The following PSMD5 variants were observed in gnomAD, a reference collection of about 807,000 sequenced individuals.
PSMD5 encodes the protein 26S proteasome non-ATPase regulatory subunit 5.
PSMD5 carries 40 observed loss-of-function variants against 52.1 expected under a neutral mutation model. That is an observed-to-expected ratio of 0.77 (90% confidence interval 0.60 to 1.00). PSMD5 has a LOEUF of 1.00. Among genes scored for constraint, PSMD5 ranks in the 50% least tolerant of loss-of-function variants. The pLI, the probability that PSMD5 is intolerant of heterozygous loss-of-function variation, is 0.00. For missense variants in PSMD5, 575 were observed against 605.2 expected (o/e 0.95, Z 0.52); for synonymous variants, 211 against 226.6 (o/e 0.93, Z 0.62).
At chr9:120,824,817 T>C (rs1441921341) in intron 6 of PSMD5, 132 bp from the exon 7 acceptor site, 3 of 726,812 alleles carry the variant, frequency 4.1e-6, no homozygotes, top group Non-Finnish European at 6.5e-6. Context: ...GTGTGTTGCC[T>C]GGAGATCAGA....
intron 4 of PSMD5, among the ~76,000 whole-genome samples, chr9:120,830,797 C>G (rs1053226527): frequency 2.6e-5 from 4 of 151,940 alleles, no homozygotes; most frequent in African/African-American, 9.7e-5. Flanking sequence ...AAAGCTGGTA[C>G]AAATAAGGGC....
At chr9:120,828,594 A>C (rs2131427344) in intron 5 of PSMD5, among the ~76,000 whole-genome samples, 1 of 150,824 alleles carries the variant, frequency 6.6e-6, no homozygotes, top group South Asian at 2.1e-4. Context: ...TACCCAGCTA[A>C]TTTTTGTATT....
intron 4 of PSMD5, 151 bp downstream of exon 4, chr9:120,831,180 C>T: frequency 1.2e-6 from 1 of 823,762 alleles, no homozygotes; most frequent in Non-Finnish European, 1.7e-6. Context: ...ATGACTGTCT[C>T]ACATACTAGG....
In PSMD5 at chr9:120,831,395, T is replaced by C. The variant is rs761479099; in HGVS notation, c.497A>G (p.Asn166Ser). 27 of 1,613,008 alleles carry C rather than the reference T, an allele frequency of 1.7e-5. No individual in the cohort carries two copies. The South Asian group carries it at 2.1e-4, about 12-fold the overall frequency. Residue 166 changes from asparagine (N) to serine (S), a missense_variant, in exon 4 of 10, where the codon AAT (asparagine) becomes AGT (serine). Coordinates refer to ENST00000210313, the MANE Select transcript of PSMD5 (RefSeq NM_005047.4). ...TACACTTTTCAAATCATCCAGCAGA[T>C]TGCTTTCAAATAAAGCCTCCAGTCC... ...QAGLEALFES[N>S]LLDDLKSVMK...
chr9:120,841,574 T>A (rs527612986), intron 1 of PSMD5, among the ~76,000 whole-genome samples: 1 of 151,244 alleles, frequency 6.6e-6, no homozygotes, highest in East Asian at 1.9e-4. Flanking sequence ...GCGAGACTCG[T>A]CTGAAAACAA....
chr9:120,829,568 G>A (rs2045146430), intron 4 of PSMD5, among the ~76,000 whole-genome samples: 1 of 152,052 alleles, frequency 6.6e-6, no homozygotes, highest in South Asian at 2.1e-4. Flanking sequence ...TAATTGTTTT[G>A]TATTTTTAGT....
intron 1 of PSMD5, among the ~76,000 whole-genome samples, chr9:120,841,540 C>T (rs1251999431): frequency 6.6e-6 from 1 of 152,182 alleles, no homozygotes; most frequent in Non-Finnish European, 1.5e-5. Context: ...GATCGCGCCA[C>T]TGCACTCCAA....
intron 1 of PSMD5, among the ~76,000 whole-genome samples, chr9:120,839,187 A>G (rs1588073171): frequency 6.6e-6 from 1 of 152,308 alleles, no homozygotes; most frequent in East Asian, 1.9e-4. Flanking sequence ...AGGAAAAATA[A>G]GGGTGCCACA....
intron 2 of PSMD5, among the ~76,000 whole-genome samples, chr9:120,833,092 A>G (rs866230018): frequency 2.6e-5 from 4 of 152,222 alleles, no homozygotes; most frequent in Non-Finnish European, 5.9e-5. Flanking sequence ...ATGGTACTTA[A>G]TGGAACTTCT....
intron 6 of PSMD5, 144 bp from the exon 7 acceptor site, chr9:120,824,829 A>G (rs2045111864): frequency 1.5e-6 from 1 of 662,618 alleles, no homozygotes. Flanking sequence ...GAGATCAGAG[A>G]GACCATTAGG....
At chr9:120,840,090 G>GCA (rs1367508612) in intron 1 of PSMD5, among the ~76,000 whole-genome samples, 5 of 137,574 alleles carry the variant, frequency 3.6e-5, no homozygotes, top group Non-Finnish European at 6.1e-5. Flanking sequence ...TCCTGCCACT[G>GCA]CACTCCAGCC....
rs978901510 is a variant in PSMD5, at chr9:120,817,481, G to C, written c.*425C>G. On this transcript the variant is annotated 3_prime_UTR_variant, in exon 10 of 10. Transcript: ENST00000210313. ...GACAGGGTTTTGCCATATTGGCCAGGCTGGTCTTGAACTCCTAGACTCAAG... is the reference window on the plus strand; with the variant it reads ...GACAGGGTTTTGCCATATTGGCCAGCCTGGTCTTGAACTCCTAGACTCAAG... The C allele has an allele frequency of 6.3e-6, 1 of 158,642 alleles. No homozygotes were observed. The highest frequency in any genetic ancestry group is 2.4e-5 in the African/African-American group (1 of 41,584). 9.8% of individuals were successfully genotyped at this position (158,642 alleles called of 1,614,324 possible).
chr9:120,841,946 G>GT (rs1232321835), intron 1 of PSMD5: 1 of 152,164 alleles, frequency 6.6e-6, no homozygotes, highest in Non-Finnish European at 1.5e-5. Flanking sequence ...AGGTACCTAG[G>GT]TTGTTGCCCA....
intron 4 of PSMD5, among the ~76,000 whole-genome samples, chr9:120,831,027 G>A (rs1267741173): frequency 6.6e-6 from 1 of 152,092 alleles, no homozygotes; most frequent in African/African-American, 2.4e-5. Context: ...GGGACGACAT[G>A]CACATACCAC....
In PSMD5 at chr9:120,826,891, T is replaced by G; in HGVS notation, c.688A>C (p.Met230Leu). 1.2e-6 allele frequency: 2 copies of G among 1,612,276 alleles called. No homozygotes were observed. Among genetic ancestry groups the G allele is most frequent in the Non-Finnish European group, 1.7e-6 (2 of 1,179,118 alleles). The change falls in exon 6 of 10, where the codon ATG becomes CTG. Residue 230 changes from methionine to leucine, a missense_variant. Physicochemically the swap from Met to Leu is conservative, Grantham distance 15. Transcript: ENST00000210313. ...TGAGTATATGCCAGTGATGTCACCA[T>G]TTCTATACAGGTGGCTCTAAAATGT... The part of the protein sequence containing the change: ...DVLVRATCIE[M>L]VTSLAYTHHG...
At chr9:120,834,450 T>C (rs1413540622) in intron 1 of PSMD5, among the ~76,000 whole-genome samples, 1 of 152,110 alleles carries the variant, frequency 6.6e-6, no homozygotes, top group Non-Finnish European at 1.5e-5. Context: ...CTAAACTAAA[T>C]TTTAAGAAAA....
At chr9:120,831,033 A>G (rs1294546225) in intron 4 of PSMD5, among the ~76,000 whole-genome samples, 1 of 152,096 alleles carries the variant, frequency 6.6e-6, no homozygotes, top group African/African-American at 2.4e-5. Flanking sequence ...ACATGCACAT[A>G]CCACCATGCA....
chr9:120,833,923 G>A (rs2045179787), intron 1 of PSMD5, among the ~76,000 whole-genome samples: 1 of 149,018 alleles, frequency 6.7e-6, no homozygotes, highest in South Asian at 2.1e-4. Flanking sequence ...TGATCCACCT[G>A]CCTCGGCCTC....
chr9:120,824,350 G>T, intron 7 of PSMD5, 144 bp downstream of exon 7: 6 of 703,294 alleles, frequency 8.5e-6, no homozygotes, highest in African/African-American at 1.9e-5. Context: ...TAGATTTTCA[G>T]ACATGAGTAC....
Sources: allele counts gnomAD v4.1 joint callset (sites outside exome capture counted in the v4.1 genomes callset), GRCh38; gene constraint gnomAD v4.1.1; transcripts MANE v1.5; gene names NCBI Gene and HGNC (gene_info 2026-07-23, HGNC 2026-07-21).